Variants in ASTN2 observed in about 807,000 individuals in gnomAD.
ASTN2 encodes astrotactin-2.
ASTN2 carries 54 observed loss-of-function variants against 139.8 expected under a neutral mutation model. The ratio of observed to expected loss-of-function variants is 0.39; its 90% CI spans 0.31 to 0.48. The LOEUF (loss-of-function observed/expected upper bound fraction) is 0.48, where lower values mean the gene tolerates loss of function less well. Ranked by LOEUF, ASTN2 falls within the 20% of genes least tolerant of loss-of-function variation. The pLI is 0.95. For synonymous variants in ASTN2, 756 were observed against 719.5 expected (o/e 1.05, Z -0.81); for missense variants, 1,565 against 1,725.1 (o/e 0.91, Z 1.64).
At chr9:117,294,172 G>A (rs1834669699) in intron 1 of ASTN2, among the ~76,000 whole-genome samples, 1 of 152,228 alleles carries the variant, frequency 6.6e-6, no homozygotes, top group African/African-American at 2.4e-5. Flanking sequence ...TAGAACCAGT[G>A]GATTTCCAGT....
At chr9:116,818,806 C>G (rs115737014) in intron 12 of ASTN2, among the ~76,000 whole-genome samples, 1 of 152,098 alleles carries the variant, frequency 6.6e-6, no homozygotes. Context: ...TTACTATTAT[C>G]CCTGTTTTAC....
chr9:117,176,610 T>C (rs541966924), intron 3 of ASTN2, among the ~76,000 whole-genome samples: 1 of 152,202 alleles, frequency 6.6e-6, no homozygotes, highest in Admixed American at 6.5e-5. Flanking sequence ...GATGTAAAGA[T>C]GAAGCCAAGG....
chr9:117,403,442 G>A lies in ASTN2; in HGVS notation c.442+11055C>T, dbSNP rs572872893. ...TTGTCAAAGGACCAGTCCTGCTCCTGAATAGTCACCCTGTCTGGCACCTGG... is the reference window on the plus strand; with the variant it reads ...TTGTCAAAGGACCAGTCCTGCTCCTAAATAGTCACCCTGTCTGGCACCTGG... On this transcript the variant is annotated intron_variant, in intron 1 of 22. Coordinates refer to ENST00000313400, the MANE Select transcript of ASTN2 (RefSeq NM_001365068.1). Among the ~76,000 whole-genome samples, 342 of 152,294 alleles carry A rather than the reference G, an allele frequency of 2.2e-3. 1 individual carries two copies. The highest frequency in any genetic ancestry group is 7.9e-3 in the African/African-American group (330 of 41,556).
intron 20 of ASTN2, among the ~76,000 whole-genome samples, chr9:116,473,501 G>A (rs1848882332): frequency 6.6e-6 from 1 of 152,176 alleles, no homozygotes; most frequent in Non-Finnish European, 1.5e-5. Flanking sequence ...AAGGGCTTCT[G>A]GGAAATGCTC....
At chr9:116,927,264 C>T (rs919591704) in intron 10 of ASTN2, among the ~76,000 whole-genome samples, 2 of 152,174 alleles carry the variant, frequency 1.3e-5, no homozygotes, top group East Asian at 1.9e-4. Flanking sequence ...GGCTTCTGAT[C>T]TCCCAAAAGA....
chr9:116,528,270 G>A (rs775426043), intron 19 of ASTN2, among the ~76,000 whole-genome samples: 3 of 152,156 alleles, frequency 2.0e-5, no homozygotes, highest in African/African-American at 4.8e-5. Context: ...GTCACTCTTG[G>A]TATGCTTTAG....
At chr9:116,886,811 G>T (rs376507897) in intron 10 of ASTN2, among the ~76,000 whole-genome samples, 148 of 152,258 alleles carry the variant, frequency 9.7e-4, no homozygotes, top group African/African-American at 3.2e-3. Context: ...ATTAAAGAGA[G>T]TCCTTTCCCT....
In ASTN2 at chr9:117,022,600, C is replaced by T. The variant is rs369296582; in HGVS notation, c.1424-14341G>A. On this transcript the variant is annotated intron_variant, in intron 6 of 22. Coordinates refer to ENST00000313400, the MANE Select transcript of ASTN2 (RefSeq NM_001365068.1). Reference sequence around the variant, plus strand: ...CTGATTTTGAAAACTAGACTTAACACGGGAGGTGGGGGCAAATTCCTTTAA... The same window carrying T: ...CTGATTTTGAAAACTAGACTTAACATGGGAGGTGGGGGCAAATTCCTTTAA... Among the ~76,000 whole-genome samples, 76 of 152,236 alleles carry T rather than the reference C, an allele frequency of 5.0e-4. 1 individual carries two copies. In the South Asian group the frequency reaches 8.5e-3, roughly 17 times the overall value.
chr9:116,427,905 T>A (rs1847360262), intron 22 of ASTN2, among the ~76,000 whole-genome samples: 1 of 152,260 alleles, frequency 6.6e-6, no homozygotes, highest in Non-Finnish European at 1.5e-5. Context: ...CATTCTTTAA[T>A]AATTCTGTGT....
intron 19 of ASTN2, chr9:116,557,730 A>T (rs1852704765): frequency 6.6e-6 from 1 of 152,176 alleles, no homozygotes; most frequent in South Asian, 2.1e-4. Flanking sequence ...TAATTTCCAT[A>T]CCTTTTTCCT....
chr9:116,930,596 C>A (rs575079075), intron 10 of ASTN2, among the ~76,000 whole-genome samples: 1 of 151,958 alleles, frequency 6.6e-6, no homozygotes, highest in African/African-American at 2.4e-5. Context: ...CAGCAAGACT[C>A]GGGGTGACAA....
chr9:117,226,450 C>T (rs569525060), intron 2 of ASTN2, among the ~76,000 whole-genome samples: 35 of 152,278 alleles, frequency 2.3e-4, no homozygotes, highest in African/African-American at 7.0e-4. Context: ...ACAGTCAATG[C>T]TCAACAAAAG....
chr9:117,057,801 T>G (rs1297131472), intron 5 of ASTN2, among the ~76,000 whole-genome samples: 7 of 152,204 alleles, frequency 4.6e-5, no homozygotes. Flanking sequence ...CCAGCAGGAT[T>G]CAAATTCCCA....
chr9:117,168,102 T>A (rs576093269), intron 3 of ASTN2, among the ~76,000 whole-genome samples: 2 of 152,138 alleles, frequency 1.3e-5, no homozygotes, highest in South Asian at 2.1e-4. Flanking sequence ...TCCTTCTTTC[T>A]CCATTGCAGA....
At chr9:117,260,315 A>G (rs1431041282) in intron 2 of ASTN2, among the ~76,000 whole-genome samples, 1 of 152,190 alleles carries the variant, frequency 6.6e-6, no homozygotes, top group Non-Finnish European at 1.5e-5. Context: ...TTATTAATTA[A>G]GGGAACTGGG....
intron 4 of ASTN2, among the ~76,000 whole-genome samples, chr9:117,137,117 A>T (rs1444727129): frequency 6.6e-6 from 1 of 152,202 alleles, no homozygotes; most frequent in Non-Finnish European, 1.5e-5. Context: ...CCTTAATAGC[A>T]GCCTCATAAA....
In ASTN2 at chr9:116,572,784, C is replaced by T. The variant is rs531591904; in HGVS notation, c.3355+45540G>A. Among the ~76,000 whole-genome samples, 78 of 152,216 alleles carry T rather than the reference C, an allele frequency of 5.1e-4. 1 individual carries two copies. The highest frequency in any genetic ancestry group is 1.9e-3 in the African/African-American group (77 of 41,524). On this transcript the variant is annotated intron_variant, in intron 19 of 22. Coordinates refer to ENST00000313400, the MANE Select transcript of ASTN2 (RefSeq NM_001365068.1). ...CCAATTTCCCCTTTGCAGCAGGGAC[C>T]CAAGGTGGAGACCCAAGGGTTCCAG...
chr9:117,399,870 TGAGAAAGAATCTCAG>T (rs1830777176), intron 1 of ASTN2, among the ~76,000 whole-genome samples: 1 of 152,240 alleles, frequency 6.6e-6, no homozygotes, highest in African/African-American at 2.4e-5. Flanking sequence ...GGCATTGCAT[TGAGAAAGAATCTCAG>T]GCTATCATTA....
intron 3 of ASTN2, among the ~76,000 whole-genome samples, chr9:117,163,877 A>G (rs1471109837): frequency 6.6e-6 from 1 of 152,108 alleles, no homozygotes; most frequent in African/African-American, 2.4e-5. Context: ...ATTGCTACCA[A>G]TTGAAAATGA....
Sources: gnomAD v4.1 joint callset for allele counts (sites outside exome capture counted in the v4.1 genomes callset) on GRCh38, gnomAD v4.1.1 for gene constraint, MANE v1.5 for transcripts, NCBI Gene and HGNC (gene_info 2026-07-23, HGNC 2026-07-21) for gene names.